Variants in SLC1A3 observed in about 807,000 individuals in gnomAD.
The protein encoded by SLC1A3 is excitatory amino acid transporter 1.
In SLC1A3, 21 loss-of-function variants were observed where a neutral mutation model predicts 48.1. That is an observed-to-expected ratio of 0.44 (90% confidence interval 0.31 to 0.63). The LOEUF (loss-of-function observed/expected upper bound fraction) is 0.63. Among genes scored for constraint, SLC1A3 ranks in the 20% least tolerant of loss-of-function variants. The pLI is 0.08. For missense variants in SLC1A3, 546 were observed against 689.0 expected, an observed-to-expected ratio of 0.79 and a Z score of 2.32; for synonymous variants, 239 against 251.4, an observed-to-expected ratio of 0.95 and a Z score of 0.47.
At chr5:36,622,272 A>G (rs1739707050) in intron 2 of SLC1A3, among the ~76,000 whole-genome samples, 1 of 152,030 alleles carries the variant, frequency 6.6e-6, no homozygotes, top group Non-Finnish European at 1.5e-5. Context: ...CATTGTCTCT[A>G]TTGCTTTGAG....
At position 36,686,116 on chromosome 5, in the gene SLC1A3, G is replaced by C. The variant is rs747372376; in HGVS notation, c.1476G>C (p.Gly492=). ...TACTGGGAGACTCCCTGGGAGCTGG[G>C]ATTGTGGAGCACTTGTCACGACATG... ...TNVLGDSLGA[G]IVEHLSRHEL... Residue 492 remains glycine (G), a synonymous_variant, in exon 10 of 10, where the codon GGG becomes GGC. Transcript: ENST00000265113. The C allele has an allele frequency of 6.2e-7, 1 of 1,614,184 alleles. No individual in the cohort carries two copies. Among genetic ancestry groups the C allele is most frequent in the Non-Finnish European group, 8.5e-7 (1 of 1,180,040 alleles).
intron 3 of SLC1A3, among the ~76,000 whole-genome samples, chr5:36,670,176 T>C (rs1457180739): frequency 1.3e-5 from 2 of 152,206 alleles, no homozygotes; most frequent in Admixed American, 6.5e-5. Flanking sequence ...AGCTACAGCC[T>C]TTAGGAAAAC....
At chr5:36,653,775 G>A (rs1375533822) in intron 3 of SLC1A3, among the ~76,000 whole-genome samples, 1 of 152,178 alleles carries the variant, frequency 6.6e-6, no homozygotes, top group African/African-American at 2.4e-5. Flanking sequence ...CATACAATAA[G>A]TGCTCAATAA....
At chr5:36,623,881 A>G (rs187051895) in intron 2 of SLC1A3, among the ~76,000 whole-genome samples, 50 of 150,168 alleles carry the variant, frequency 3.3e-4, no homozygotes, top group Non-Finnish European at 4.9e-4. Context: ...AAAAAAAAAG[A>G]AAAGAAAAAG....
chr5:36,677,024 G>T lies in SLC1A3; in HGVS notation c.700G>T (p.Val234Phe). 1 of 1,614,128 alleles carries T rather than the reference G, an allele frequency of 6.2e-7. No individual in the cohort carries two copies. The highest frequency in any genetic ancestry group is 8.5e-7 in the Non-Finnish European group (1 of 1,179,992). Residue 234 changes from valine (V) to phenylalanine (F), a missense_variant, in exon 6 of 10, where the codon GTT becomes TTT. Around this residue, in one of 3 missense-constraint regions of SLC1A3, gnomAD observed 348 missense variants for 392.0 expected, o/e 0.89. Coordinates refer to ENST00000265113, the MANE Select transcript of SLC1A3 (RefSeq NM_004172.5). ...CCGAATCACAGAGGAGCTGGTCCCA[G>T]TTCCAGGATCTGTGAATGGAGTCAA... is the stretch of plus-strand genomic sequence containing the variant. ...LTRITEELVP[V>F]PGSVNGVNAL...
chr5:36,608,788 T>C (rs1312759175), intron 2 of SLC1A3, 184 bp downstream of exon 2: 1 of 1,414,202 alleles, frequency 7.1e-7, no homozygotes, highest in African/African-American at 1.4e-5. Flanking sequence ...CAATATATAG[T>C]AAACACATCA....
At chr5:36,674,011 T>G (rs372718413) in intron 4 of SLC1A3, 38 bp from the exon 5 acceptor site, 1 of 1,565,770 alleles carries the variant, frequency 6.4e-7, no homozygotes, top group African/African-American at 1.4e-5. Context: ...AACTTATTAC[T>G]TGGAAAATTT....
At position 36,686,058 on chromosome 5, in the gene SLC1A3, C is replaced by A. The variant is rs1742632264; in HGVS notation, c.1425-7C>A. 3 of 1,613,416 alleles carry A rather than the reference C, an allele frequency of 1.9e-6. No homozygotes were observed. Among genetic ancestry groups the A allele is most frequent in the South Asian group, 2.2e-5 (2 of 91,066 alleles). On this transcript the variant is annotated splice_region_variant and splice_polypyrimidine_tract_variant and intron_variant, in intron 9 of 9. Coordinates refer to ENST00000265113, the MANE Select transcript of SLC1A3 (RefSeq NM_004172.5). ...TCGTTTTTCCCTCCTCCCCACCCTG[C>A]CTGCAGGGATCGCCTCCGGACCACC...
At chr5:36,617,415 CTTTT>C (rs34710652) in intron 2 of SLC1A3, among the ~76,000 whole-genome samples, 1 of 57,674 alleles carries the variant, frequency 1.7e-5, no homozygotes, top group Non-Finnish European at 3.1e-5. Context: ...AGGTTGCGGG[CTTTT>C]TTTTTTTTTT....
chr5:36,665,654 G>C (rs1741710535), intron 3 of SLC1A3, among the ~76,000 whole-genome samples: 1 of 152,174 alleles, frequency 6.6e-6, no homozygotes, highest in South Asian at 2.1e-4. Context: ...CTATATGGAA[G>C]CCCCTTTAAT....
intron 2 of SLC1A3, among the ~76,000 whole-genome samples, chr5:36,612,464 A>T (rs1444174485): frequency 2.0e-5 from 3 of 152,078 alleles, no homozygotes; most frequent in African/African-American, 7.2e-5. Context: ...ACATGTCTGT[A>T]GTCCCAGCTA....
intron 2 of SLC1A3, chr5:36,609,041 G>A (rs1338600908): frequency 3.0e-6 from 3 of 993,852 alleles, no homozygotes; most frequent in East Asian, 2.2e-4. Context: ...TCTAACTGGT[G>A]CTGACTTGAA....
At chr5:36,621,142 G>A (rs1173641475) in intron 2 of SLC1A3, among the ~76,000 whole-genome samples, 2 of 152,124 alleles carry the variant, frequency 1.3e-5, no homozygotes, top group African/African-American at 4.8e-5. Context: ...CTGACCTCAG[G>A]TGATCCACCC....
intron 2 of SLC1A3, among the ~76,000 whole-genome samples, chr5:36,620,358 T>A (rs1278339625): frequency 6.6e-6 from 1 of 152,220 alleles, no homozygotes; most frequent in Non-Finnish European, 1.5e-5. Context: ...CTGTCATTCC[T>A]CATTTGTGAA....
At chr5:36,623,014 C>CAAA (rs1158762437) in intron 2 of SLC1A3, among the ~76,000 whole-genome samples, 65 of 51,500 alleles carry the variant, frequency 1.3e-3, no homozygotes, top group Non-Finnish European at 1.7e-3. Context: ...TCCATCATCT[C>CAAA]AAAAAAAAAA....
intron 2 of SLC1A3, chr5:36,612,850 G>A (rs1227562545): frequency 2.2e-6 from 1 of 455,952 alleles, no homozygotes; most frequent in Non-Finnish European, 4.4e-6. Context: ...CACTGTTCTG[G>A]GTGCTATAAC....
At chr5:36,626,104 G>A (rs1739892722) in intron 2 of SLC1A3, among the ~76,000 whole-genome samples, 1 of 152,294 alleles carries the variant, frequency 6.6e-6, no homozygotes, top group South Asian at 2.1e-4. Flanking sequence ...GTTGCACTGA[G>A]TAAGTGCAGG....
At chr5:36,610,812 G>T (rs1739162705) in intron 2 of SLC1A3, among the ~76,000 whole-genome samples, 1 of 152,182 alleles carries the variant, frequency 6.6e-6, no homozygotes, top group African/African-American at 2.4e-5. Flanking sequence ...GGGTAGATAA[G>T]TTGGCCGGGT....
rs781475471 is a variant in SLC1A3 at position 36,677,134 on chromosome 5, C to A, written c.810C>A (p.Phe270Leu). Reference protein sequence around the residue: ...MKEQGQALREFFDSLNEAIMR... With the variant: ...MKEQGQALRELFDSLNEAIMR... ...AACAGGGGCAGGCCCTGAGAGAGTT[C>A]TTTGATTCTCTTAACGAAGCCATCA... The change falls in exon 6 of 10, where the codon TTC (phenylalanine) becomes TTA (leucine). Residue 270 changes from phenylalanine to leucine, a missense_variant. Phe to Leu is a conservative substitution (Grantham distance 22). This residue lies in a region of SLC1A3 where 348 missense variants were observed against 392.0 expected (regional missense o/e 0.89). Coordinates refer to ENST00000265113, the MANE Select transcript of SLC1A3 (RefSeq NM_004172.5). 4 of 1,614,080 alleles carry A rather than the reference C, an allele frequency of 2.5e-6. No homozygotes were observed. The highest frequency in any genetic ancestry group is 2.5e-6 in the Non-Finnish European group (3 of 1,179,924).
Sources: allele counts gnomAD v4.1 joint callset (sites outside exome capture counted in the v4.1 genomes callset), GRCh38; gene constraint gnomAD v4.1.1; regional missense constraint gnomAD v4.1.1; transcripts MANE v1.5; gene names NCBI Gene and HGNC (gene_info 2026-07-23, HGNC 2026-07-21).